The following TEAD1 variants were observed in gnomAD, a reference collection of about 807,000 sequenced individuals.
TEAD1 encodes TEA domain transcription factor 1, also known as transcriptional enhancer factor TEF-1.
TEAD1 carries 9 observed loss-of-function variants against 54.9 expected under a neutral mutation model. The ratio of observed to expected loss-of-function variants is 0.16; its 90% CI spans 0.10 to 0.29. The LOEUF is 0.29. Ranked by LOEUF, TEAD1 falls within the 10% of genes least tolerant of loss-of-function variation. The pLI, the probability that TEAD1 is intolerant of heterozygous loss-of-function variation, is 1.00. For synonymous variants in TEAD1, 200 were observed against 187.8 expected (o/e 1.07, Z -0.53); for missense variants, 387 against 535.9 (o/e 0.72, Z 2.74).
intron 5 of TEAD1, among the ~76,000 whole-genome samples, chr11:12,866,525 C>T (rs190589064): frequency 2.6e-5 from 4 of 152,198 alleles, no homozygotes; most frequent in Admixed American, 2.6e-4. Flanking sequence ...TTGCTTTATA[C>T]ATGTACATAT....
At chr11:12,815,111 A>G (rs573132820) in intron 3 of TEAD1, among the ~76,000 whole-genome samples, 4 of 152,120 alleles carry the variant, frequency 2.6e-5, no homozygotes, top group Non-Finnish European at 5.9e-5. Context: ...GTTTATAGAT[A>G]AGGGTAGGTT....
intron 2 of TEAD1, among the ~76,000 whole-genome samples, chr11:12,699,753 T>C (rs1943658396): frequency 6.6e-6 from 1 of 152,258 alleles, no homozygotes; most frequent in Admixed American, 6.5e-5. Context: ...ATTTGTTGAA[T>C]GAATGAAATT....
chr11:12,805,284 GTTTA>G (rs1186365136), intron 3 of TEAD1, among the ~76,000 whole-genome samples: 2 of 152,170 alleles, frequency 1.3e-5, no homozygotes, highest in African/African-American at 2.4e-5. Flanking sequence ...GCTTTATATT[GTTTA>G]TTTATTTCTT....
At chr11:12,912,318 G>T (rs1460439788) in intron 10 of TEAD1, among the ~76,000 whole-genome samples, 1 of 152,200 alleles carries the variant, frequency 6.6e-6, no homozygotes, top group Non-Finnish European at 1.5e-5. Context: ...GGTGGGAGCT[G>T]TAGTGGAAGT....
chr11:12,745,527 C>T (rs991974792), intron 2 of TEAD1, among the ~76,000 whole-genome samples: 12 of 150,304 alleles, frequency 8.0e-5, no homozygotes, highest in East Asian at 1.9e-4. Flanking sequence ...AACACAGAAT[C>T]GCTGCCTGTC....
chr11:12,769,480 C>G (rs1287810289), intron 3 of TEAD1, among the ~76,000 whole-genome samples: 1 of 152,158 alleles, frequency 6.6e-6, no homozygotes, highest in African/African-American at 2.4e-5. Flanking sequence ...GTGGTCGCTA[C>G]ACTCCTCTGG....
intron 3 of TEAD1, among the ~76,000 whole-genome samples, chr11:12,826,760 A>G (rs568751297): frequency 2.3e-4 from 35 of 152,340 alleles, no homozygotes; most frequent in African/African-American, 7.7e-4. Context: ...TGTACCTAGC[A>G]TATAGGAACC....
At chr11:12,866,753 ATTG>A (rs936895884) in intron 5 of TEAD1, among the ~76,000 whole-genome samples, 2 of 152,064 alleles carry the variant, frequency 1.3e-5, no homozygotes, top group African/African-American at 4.8e-5. Context: ...TTCCTACCAT[ATTG>A]TTCTTGGAAA....
intron 2 of TEAD1, among the ~76,000 whole-genome samples, chr11:12,746,901 C>T (rs972048908): frequency 6.6e-6 from 1 of 152,178 alleles, no homozygotes; most frequent in African/African-American, 2.4e-5. Context: ...ACAGACCAGG[C>T]GGGCTGGGGG....
intron 3 of TEAD1, among the ~76,000 whole-genome samples, chr11:12,816,679 C>G (rs893734412): frequency 1.3e-5 from 2 of 152,108 alleles, no homozygotes; most frequent in African/African-American, 2.4e-5. Flanking sequence ...TACAAGACTT[C>G]CAGAGTGAGA....
intron 3 of TEAD1, among the ~76,000 whole-genome samples, chr11:12,814,835 G>A (rs1426773277): frequency 8.0e-6 from 1 of 125,018 alleles, no homozygotes; most frequent in Non-Finnish European, 1.7e-5. Context: ...GTGTGTGTGT[G>A]TGTGTCCCCG....
At chr11:12,719,906 GAA>G (rs1389815332) in intron 2 of TEAD1, among the ~76,000 whole-genome samples, 9 of 133,842 alleles carry the variant, frequency 6.7e-5, no homozygotes, top group African/African-American at 2.4e-4. Flanking sequence ...GATCTGTAAT[GAA>G]AATTCAACTT....
At chr11:12,772,831 G>C (rs986903661) in intron 3 of TEAD1, among the ~76,000 whole-genome samples, 1 of 152,104 alleles carries the variant, frequency 6.6e-6, no homozygotes, top group Admixed American at 6.5e-5. Flanking sequence ...TTGTGTGTGC[G>C]TACTAAGTTG....
chr11:12,920,445 A>G (rs76757268), intron 10 of TEAD1, among the ~76,000 whole-genome samples: 2,316 of 152,210 alleles, frequency 0.015, 50 homozygotes, highest in African/African-American at 0.053. Flanking sequence ...CCCATACACA[A>G]TTGCTTATTT....
chr11:12,869,740 C>T (rs1026662939), intron 5 of TEAD1, among the ~76,000 whole-genome samples: 1 of 152,058 alleles, frequency 6.6e-6, no homozygotes, highest in Non-Finnish European at 1.5e-5. Context: ...ACCCACCCTC[C>T]GTCTTCAACC....
At chr11:12,848,138 A>G (rs1947194915) in intron 3 of TEAD1, among the ~76,000 whole-genome samples, 1 of 152,050 alleles carries the variant, frequency 6.6e-6, no homozygotes, top group South Asian at 2.1e-4. Context: ...TTTGATTACC[A>G]TTGTTTGGCT....
chr11:12,944,444 A>G lies in TEAD1; in HGVS notation c.*7222A>G, dbSNP rs1376997356. 1 of 152,208 alleles carries G rather than the reference A, an allele frequency of 6.6e-6. No homozygotes were observed. Among genetic ancestry groups the G allele is most frequent in the Non-Finnish European group, 1.5e-5 (1 of 68,008 alleles). The allele number at this position is 152,208 out of a possible 1,614,324, so 9.4% of individuals were successfully genotyped here. A position where few individuals can be genotyped will look rare whatever the true frequency, so the allele number is the denominator to read the frequency against. On this transcript the variant is annotated 3_prime_UTR_variant, in exon 13 of 13. Transcript: ENST00000527636. ...AGTATGATAGTTATATGAAAATTAT[A>G]GGATTTGTGTGCAGAGAATTTTTTT...
chr11:12,840,014 G>A (rs1048691665), intron 3 of TEAD1, among the ~76,000 whole-genome samples: 2 of 151,980 alleles, frequency 1.3e-5, no homozygotes, highest in African/African-American at 2.4e-5. Flanking sequence ...TTGGGAGGCC[G>A]AGGCGGGTGA....
chr11:12,748,086 C>T (rs1261128019), intron 2 of TEAD1, among the ~76,000 whole-genome samples: 1 of 151,996 alleles, frequency 6.6e-6, no homozygotes, highest in African/African-American at 2.4e-5. Flanking sequence ...TTCAGCCTCC[C>T]AAGTAGCTGG....
Sources: allele counts gnomAD v4.1 joint callset (sites outside exome capture counted in the v4.1 genomes callset), GRCh38; gene constraint gnomAD v4.1.1; transcripts MANE v1.5; gene names NCBI Gene and HGNC (gene_info 2026-07-23, HGNC 2026-07-21).